Variants in CLSTN2 observed in about 807,000 individuals in gnomAD.
CLSTN2 encodes calsyntenin 2, also known as calsyntenin-2.
Under a neutral mutation model 101.2 loss-of-function variants are expected in CLSTN2, and 48 were observed. That is an observed-to-expected ratio of 0.47 (90% CI 0.38 to 0.60). CLSTN2 has a LOEUF of 0.60. CLSTN2 is among the 20% of genes least tolerant of loss of function. The pLI, the probability that CLSTN2 is intolerant of heterozygous loss-of-function variation, is 0.00. For synonymous variants in CLSTN2, 481 were observed against 463.6 expected (o/e 1.04, Z -0.48); for missense variants, 1,160 against 1,238.2 (o/e 0.94, Z 0.95).
At chr3:140,313,164 C>G (rs116176891) in intron 2 of CLSTN2, among the ~76,000 whole-genome samples, 4 of 152,040 alleles carry the variant, frequency 2.6e-5, no homozygotes, top group Non-Finnish European at 2.9e-5. Flanking sequence ...AAGTCCCCCC[C>G]AAAAAAACCA....
At chr3:140,284,213 T>A (rs2086875420) in intron 2 of CLSTN2, among the ~76,000 whole-genome samples, 1 of 152,148 alleles carries the variant, frequency 6.6e-6, no homozygotes, top group Non-Finnish European at 1.5e-5. Flanking sequence ...AAATAAGAAT[T>A]TCCTATATTT....
At chr3:140,221,152 T>C (rs1440655920) in intron 2 of CLSTN2, among the ~76,000 whole-genome samples, 1 of 152,208 alleles carries the variant, frequency 6.6e-6, no homozygotes, top group Non-Finnish European at 1.5e-5. Context: ...TTCCCCAGTA[T>C]AGACACAGCA....
intron 2 of CLSTN2, among the ~76,000 whole-genome samples, chr3:140,327,207 A>G (rs2087340851): frequency 6.6e-6 from 1 of 152,218 alleles, no homozygotes; most frequent in Non-Finnish European, 1.5e-5. Flanking sequence ...CAGAATCATT[A>G]GAATTGAAGC....
intron 2 of CLSTN2, among the ~76,000 whole-genome samples, chr3:140,236,899 C>T (rs893693817): frequency 8.7e-5 from 12 of 138,086 alleles, no homozygotes; most frequent in Non-Finnish European, 1.7e-4. Context: ...CTCATGCTTC[C>T]TTTTTTCTCT....
chr3:140,250,029 T>C (rs763869477), intron 2 of CLSTN2, among the ~76,000 whole-genome samples: 14 of 152,162 alleles, frequency 9.2e-5, no homozygotes, highest in Non-Finnish European at 1.5e-4. Flanking sequence ...ATTTAAGAAA[T>C]TGCAAATATT....
At chr3:140,183,361 G>T (rs541842886) in intron 2 of CLSTN2, among the ~76,000 whole-genome samples, 1 of 152,132 alleles carries the variant, frequency 6.6e-6, no homozygotes, top group Non-Finnish European at 1.5e-5. Flanking sequence ...GAAGGTCCTC[G>T]TAAACCAGAG....
intron 2 of CLSTN2, among the ~76,000 whole-genome samples, chr3:140,402,561 G>A (rs1339962826): frequency 6.6e-6 from 1 of 152,158 alleles, no homozygotes; most frequent in Non-Finnish European, 1.5e-5. Flanking sequence ...CAGCTCTTAC[G>A]AATAGTTGGG....
intron 1 of CLSTN2, among the ~76,000 whole-genome samples, chr3:140,134,543 T>C (rs1206073215): frequency 2.0e-5 from 3 of 152,150 alleles, no homozygotes; most frequent in East Asian, 1.9e-4. Flanking sequence ...AATGTTTCCA[T>C]AGAAACTCAG....
chr3:140,153,651 G>A (rs1180172828), intron 1 of CLSTN2, among the ~76,000 whole-genome samples: 1 of 152,240 alleles, frequency 6.6e-6, no homozygotes, highest in African/African-American at 2.4e-5. Context: ...TTCTTTGAAA[G>A]CTTCATCCCT....
intron 1 of CLSTN2, among the ~76,000 whole-genome samples, chr3:140,166,606 C>A (rs1398467965): frequency 6.6e-6 from 1 of 152,054 alleles, no homozygotes; most frequent in Non-Finnish European, 1.5e-5. Context: ...CATTAATACA[C>A]TTTTTTTGCA....
chr3:140,334,097 T>C (rs1167301908), intron 2 of CLSTN2, among the ~76,000 whole-genome samples: 1 of 152,196 alleles, frequency 6.6e-6, no homozygotes, highest in African/African-American at 2.4e-5. Context: ...GCTGCTTAAC[T>C]TCTTGGGCCT....
At chr3:139,947,119 C>A (rs1339022287) in intron 1 of CLSTN2, among the ~76,000 whole-genome samples, 1 of 152,202 alleles carries the variant, frequency 6.6e-6, no homozygotes, top group Non-Finnish European at 1.5e-5. Flanking sequence ...AACAGCCTAC[C>A]TTTTAGCTGA....
chr3:140,353,375 G>A (rs2087632866), intron 2 of CLSTN2, among the ~76,000 whole-genome samples: 2 of 152,010 alleles, frequency 1.3e-5, no homozygotes, highest in Non-Finnish European at 2.9e-5. Context: ...ACTGGAGTCC[G>A]ATGTTCCAGG....
intron 1 of CLSTN2, among the ~76,000 whole-genome samples, chr3:140,017,192 T>C (rs2007219441): frequency 3.3e-5 from 5 of 152,198 alleles, no homozygotes; most frequent in Admixed American, 3.3e-4. Context: ...GCTGATGACA[T>C]ATGTGCTGGC....
intron 2 of CLSTN2, among the ~76,000 whole-genome samples, chr3:140,272,150 C>T (rs1559825209): frequency 6.6e-6 from 1 of 152,074 alleles, no homozygotes; most frequent in East Asian, 1.9e-4. Flanking sequence ...TTATTTTGCT[C>T]GTGTCTAGAT....
intron 8 of CLSTN2, among the ~76,000 whole-genome samples, chr3:140,486,781 G>A (rs562918765): frequency 4.2e-4 from 64 of 152,286 alleles, no homozygotes; most frequent in Admixed American, 7.2e-4. Context: ...GTAGAGGTGC[G>A]TGAATAATGA....
At chr3:140,012,182 C>T (rs1431812211) in intron 1 of CLSTN2, among the ~76,000 whole-genome samples, 1 of 151,660 alleles carries the variant, frequency 6.6e-6, no homozygotes, top group African/African-American at 2.4e-5. Flanking sequence ...AGAGTGAGTG[C>T]TCAAAAAGCA....
At chr3:140,471,044 C>T (rs989194519) in intron 8 of CLSTN2, among the ~76,000 whole-genome samples, 2 of 152,198 alleles carry the variant, frequency 1.3e-5, no homozygotes, top group African/African-American at 2.4e-5. Flanking sequence ...TACCAGGCAG[C>T]TCCAGGAGAT....
intron 2 of CLSTN2, among the ~76,000 whole-genome samples, chr3:140,284,032 C>A (rs1216933869): frequency 6.6e-6 from 1 of 152,154 alleles, no homozygotes; most frequent in Non-Finnish European, 1.5e-5. Flanking sequence ...TCACCTTGAG[C>A]AGCTAGTATG....
Sources: gnomAD v4.1 joint callset for allele counts (sites outside exome capture counted in the v4.1 genomes callset) on GRCh38, gnomAD v4.1.1 for gene constraint, MANE v1.5 for transcripts, NCBI Gene and HGNC (gene_info 2026-07-23, HGNC 2026-07-21) for gene names.